The following NLGN4X variants were observed in gnomAD, a reference collection of about 807,000 sequenced individuals.
NLGN4X encodes neuroligin 4 X-linked.
A neutral mutation model predicts 40.3 loss-of-function variants in NLGN4X; 3 were observed. The observed-to-expected ratio is 0.07, with a 90% CI of 0.03 to 0.19. The LOEUF (loss-of-function observed/expected upper bound fraction) is 0.19, where lower values mean the gene tolerates loss of function less well. NLGN4X is among the 10% of genes least tolerant of loss of function. The pLI is 1.00. For missense variants in NLGN4X, 382 were observed against 708.3 expected, an observed-to-expected ratio of 0.54 and a Z score of 5.23; for synonymous variants, 270 against 306.8, an observed-to-expected ratio of 0.88 and a Z score of 1.25.
chrX:6,067,113 C>CCA (rs1555964229), intron 2 of NLGN4X, among the ~76,000 whole-genome samples: 7 of 109,284 alleles, frequency 6.4e-5, no homozygotes, highest in Non-Finnish European at 1.3e-4. Context: ...AGTCCCCCCC[C>CCA]CAAAACAAAA....
intron 1 of NLGN4X, among the ~76,000 whole-genome samples, chrX:6,168,752 G>T (rs1166368521): frequency 9.0e-6 from 1 of 111,382 alleles, no homozygotes; most frequent in Non-Finnish European, 1.9e-5. Flanking sequence ...GATTATAGGC[G>T]TGAGCCACTG....
intron 3 of NLGN4X, among the ~76,000 whole-genome samples, chrX:5,939,283 TAATA>T (rs976675380): frequency 7.2e-5 from 8 of 110,513 alleles, no homozygotes; most frequent in Non-Finnish European, 1.3e-4. Context: ...ATATTTAATA[TAATA>T]AATGTCTAAA....
intron 3 of NLGN4X, among the ~76,000 whole-genome samples, chrX:5,915,159 C>T (rs2032726803): frequency 8.9e-6 from 1 of 112,213 alleles, no homozygotes; most frequent in Non-Finnish European, 1.9e-5. Context: ...TGCACAGAAC[C>T]AAAGTCTATT....
chrX:5,980,588 T>G (rs757919612), intron 3 of NLGN4X, among the ~76,000 whole-genome samples: 1 of 110,330 alleles, frequency 9.1e-6, no homozygotes, highest in South Asian at 3.9e-4. Context: ...CAAAGCTTTT[T>G]GTTTACTTTT....
intron 3 of NLGN4X, among the ~76,000 whole-genome samples, chrX:5,978,268 CTTTTT>C (rs374895369): frequency 1.1e-5 from 1 of 94,110 alleles, no homozygotes. Context: ...ACAGGCGTCT[CTTTTT>C]TTCTTTCTTT....
At chrX:6,087,045 T>A (rs1428390608) in intron 2 of NLGN4X, among the ~76,000 whole-genome samples, 1 of 111,987 alleles carries the variant, frequency 8.9e-6, no homozygotes, top group Non-Finnish European at 1.9e-5. Flanking sequence ...CTTTTTCTCA[T>A]GGCTTTTTAT....
At chrX:5,912,974 G>A (rs1199015729) in intron 3 of NLGN4X, among the ~76,000 whole-genome samples, 1 of 60,288 alleles carries the variant, frequency 1.7e-5, no homozygotes, top group African/African-American at 6.7e-5. Context: ...GAGGGAGGGA[G>A]GGAGAGCAGG....
chrX:5,903,769 C>T lies in NLGN4X; in HGVS notation c.909G>A (p.Lys303=), dbSNP rs1216087283. ...PAKYTRILAD[K]VGCNMLDTTD... is the part of the protein sequence containing the mutation. Reference sequence around the variant, plus strand: ...TGGTGTCCAGCATGTTGCAGCCGACCTTGTCTGCCAATATCCGAGTGTACT... The same window carrying T: ...TGGTGTCCAGCATGTTGCAGCCGACTTTGTCTGCCAATATCCGAGTGTACT... The change falls in exon 5 of 6, where the codon AAG becomes AAA. Residue 303 remains lysine, a synonymous_variant. Coordinates refer to ENST00000381095, the MANE Select transcript of NLGN4X (RefSeq NM_181332.3). The T allele has an allele frequency of 8.3e-7, 1 of 1,212,021 alleles. No homozygotes were observed. The highest frequency in any genetic ancestry group is 1.8e-5 in the South Asian group (1 of 57,006).
intron 1 of NLGN4X, among the ~76,000 whole-genome samples, chrX:6,202,624 C>T (rs1923722756): frequency 9.0e-6 from 1 of 111,251 alleles, no homozygotes; most frequent in South Asian, 3.8e-4. Flanking sequence ...CATGAGCCAC[C>T]ATGCCCCTCT....
intron 3 of NLGN4X, among the ~76,000 whole-genome samples, chrX:6,013,340 A>T (rs1194060845): frequency 9.0e-6 from 1 of 110,603 alleles, no homozygotes; most frequent in Non-Finnish European, 1.9e-5. Flanking sequence ...TAAACAGTGG[A>T]AATAAACACG....
chrX:6,140,811 C>T (rs976780994), intron 2 of NLGN4X, among the ~76,000 whole-genome samples: 4 of 108,748 alleles, frequency 3.7e-5, no homozygotes, highest in Non-Finnish European at 7.6e-5. Flanking sequence ...CTCCTGGGCT[C>T]AAGCAATCCA....
chrX:5,956,654 G>A (rs4554618), intron 3 of NLGN4X, among the ~76,000 whole-genome samples: 34,869 of 110,212 alleles, frequency 0.32, 4,588 homozygotes, highest in Middle Eastern at 0.57. Context: ...TTGTCAGGGC[G>A]CACGGCATCT....
intron 1 of NLGN4X, among the ~76,000 whole-genome samples, chrX:6,207,055 T>TACACAC (rs371238129): frequency 9.4e-6 from 1 of 106,532 alleles, no homozygotes; most frequent in Non-Finnish European, 1.9e-5. Context: ...CACACACACA[T>TACACAC]ACACACACAC....
chrX:5,916,690 T>C (rs1211325304), intron 3 of NLGN4X, among the ~76,000 whole-genome samples: 2 of 111,403 alleles, frequency 1.8e-5, no homozygotes, highest in Non-Finnish European at 3.8e-5. Flanking sequence ...CTTCAAGTGA[T>C]CCACCCGCCT....
At chrX:5,934,121 TC>T (rs1434846514) in intron 3 of NLGN4X, among the ~76,000 whole-genome samples, 4 of 111,756 alleles carry the variant, frequency 3.6e-5, no homozygotes, top group Non-Finnish European at 5.6e-5. Context: ...TTCTTTAGAT[TC>T]CACATATAAT....
At chrX:5,915,604 A>G (rs2032753701) in intron 3 of NLGN4X, among the ~76,000 whole-genome samples, 1 of 111,785 alleles carries the variant, frequency 8.9e-6, no homozygotes, top group South Asian at 3.7e-4. Flanking sequence ...CAGCAGTGTG[A>G]TCTTGGCTCA....
intron 1 of NLGN4X, among the ~76,000 whole-genome samples, chrX:6,180,534 A>G (rs1189225295): frequency 8.9e-6 from 1 of 111,974 alleles, no homozygotes; most frequent in African/African-American, 3.2e-5. Flanking sequence ...CTGCAGAACC[A>G]TGAACCAATT....
intron 2 of NLGN4X, among the ~76,000 whole-genome samples, chrX:6,036,251 T>C (rs957225473): frequency 1.8e-5 from 2 of 111,581 alleles, no homozygotes; most frequent in Non-Finnish European, 3.8e-5. Context: ...CATGAAACTT[T>C]CCAAATCAGC....
chrX:5,904,184 T>A (rs568009776), intron 4 of NLGN4X, among the ~76,000 whole-genome samples: 1 of 111,452 alleles, frequency 9.0e-6, no homozygotes, highest in Non-Finnish European at 1.9e-5. Flanking sequence ...TTTAGTGTCG[T>A]TTTTGCTTCC....
Sources: allele counts gnomAD v4.1 joint callset (sites outside exome capture counted in the v4.1 genomes callset), GRCh38; gene constraint gnomAD v4.1.1; transcripts MANE v1.5; gene names NCBI Gene and HGNC (gene_info 2026-07-23, HGNC 2026-07-21).